SPAG16: variants seen among roughly 807,000 people sequenced by gnomAD.
SPAG16 encodes sperm associated antigen 16, also known as sperm-associated antigen 16 protein.
SPAG16 carries 86 observed loss-of-function variants against 80.4 expected under a neutral mutation model. The observed-to-expected ratio is 1.07, with a 90% CI of 0.90 to 1.28. The LOEUF (loss-of-function observed/expected upper bound fraction) is 1.28. Among genes scored for constraint, SPAG16 ranks in the 50% most tolerant of loss-of-function variants. SPAG16 has a pLI of 0.00. For synonymous variants in SPAG16, 294 were observed against 265.9 expected, an observed-to-expected ratio of 1.11 and a Z score of -1.03; for missense variants, 870 against 765.3, an observed-to-expected ratio of 1.14 and a Z score of -1.61.
At chr2:214,062,038 GAAGA>G (rs563718289) in intron 13 of SPAG16, among the ~76,000 whole-genome samples, 128 of 148,536 alleles carry the variant, frequency 8.6e-4, no homozygotes, top group African/African-American at 3.1e-3. Context: ...GTAGTATTCA[GAAGA>G]AAGACTGCTA....
At chr2:213,492,681 AGTT>A (rs2074313612) in intron 10 of SPAG16, among the ~76,000 whole-genome samples, 1 of 136,798 alleles carries the variant, frequency 7.3e-6, no homozygotes, top group Admixed American at 7.4e-5. Flanking sequence ...GAAAAAAGAA[AGTT>A]GTTTTTTTTT....
At chr2:213,770,297 G>A (rs572783325) in intron 10 of SPAG16, among the ~76,000 whole-genome samples, 12 of 151,980 alleles carry the variant, frequency 7.9e-5, no homozygotes, top group African/African-American at 2.9e-4. Context: ...TAAATACCTA[G>A]AAGTGGAATT....
At chr2:213,595,637 A>G (rs2060860825) in intron 10 of SPAG16, among the ~76,000 whole-genome samples, 1 of 152,136 alleles carries the variant, frequency 6.6e-6, no homozygotes, top group Non-Finnish European at 1.5e-5. Flanking sequence ...AAAACCCTAG[A>G]CTAGAAATAT....
chr2:213,730,535 G>A (rs1055216196), intron 10 of SPAG16, among the ~76,000 whole-genome samples: 1 of 152,000 alleles, frequency 6.6e-6, no homozygotes, highest in Non-Finnish European at 1.5e-5. Flanking sequence ...TGTTTATATG[G>A]TTTCTGACTA....
chr2:213,780,571 C>CTTTTTT lies in SPAG16; in HGVS notation c.1071-81901_1071-81896dup, dbSNP rs367744311. 7.9e-4 allele frequency among the ~76,000 whole-genome samples: 98 copies of CTTTTTT among 124,408 alleles called. 1 individual carries two copies. Among genetic ancestry groups the CTTTTTT allele is most frequent in the East Asian group, 1.2e-3 (5 of 4,274 alleles). 81.6% of individuals were successfully genotyped at this position (124,408 alleles called of 152,430 possible). A position where few individuals can be genotyped will look rare whatever the true frequency, so the allele number is the denominator to read the frequency against. ...AGGTCCAAACATTTTTCTTTTCTTT[C>CTTTTTT]TTTTTTTTTTTTTTTTTTGGTGGTG... is the stretch of plus-strand genomic sequence containing the variant. On this transcript the variant is annotated intron_variant, in intron 10 of 15. Coordinates refer to ENST00000331683, the MANE Select transcript of SPAG16 (RefSeq NM_024532.5).
At chr2:214,100,075 T>A (rs1002661933) in intron 13 of SPAG16, among the ~76,000 whole-genome samples, 3 of 151,940 alleles carry the variant, frequency 2.0e-5, no homozygotes, top group African/African-American at 7.2e-5. Flanking sequence ...GTGTCCCCCA[T>A]GCTGTTCTCA....
chr2:214,084,971 T>C (rs1009436821), intron 13 of SPAG16, among the ~76,000 whole-genome samples: 2 of 152,166 alleles, frequency 1.3e-5, no homozygotes. Flanking sequence ...ACTGAAAGAC[T>C]GTTAGAAGAC....
At chr2:214,179,956 C>G (rs1453594584) in intron 15 of SPAG16, among the ~76,000 whole-genome samples, 1 of 151,444 alleles carries the variant, frequency 6.6e-6, no homozygotes, top group African/African-American at 2.4e-5. Context: ...CTAAGCCATT[C>G]TGGGTTAGCA....
At chr2:214,248,287 A>ATATTATTAT (rs71975870) in intron 15 of SPAG16, among the ~76,000 whole-genome samples, 58 of 138,548 alleles carry the variant, frequency 4.2e-4, no homozygotes, top group African/African-American at 7.7e-4. Flanking sequence ...TACTATTCTT[A>ATATTATTAT]TATTATTATT....
At chr2:214,081,848 T>TC (rs397712651) in intron 13 of SPAG16, among the ~76,000 whole-genome samples, 2 of 151,802 alleles carry the variant, frequency 1.3e-5, no homozygotes, top group African/African-American at 4.8e-5. Flanking sequence ...TTTTTTTTTT[T>TC]CATCCTTAGG....
rs115626363 is a variant in SPAG16 at position 214,227,948 on chromosome 2, A to G, written c.1720+78682A>G. 5.0e-3 allele frequency among the ~76,000 whole-genome samples: 759 copies of G among 152,018 alleles called. 5 individuals carry two copies. Among genetic ancestry groups the G allele is most frequent in the African/African-American group, 0.017 (718 of 41,526 alleles). On this transcript the variant is annotated intron_variant, in intron 15 of 15. Coordinates refer to ENST00000331683, the MANE Select transcript of SPAG16 (RefSeq NM_024532.5). ...TTCTGTACTGTGACTATTTGTAAAT[A>G]TAAAAGCAGCTCCCTGAGACAGATG...
chr2:213,379,444 A>G (rs2125231419), intron 9 of SPAG16, among the ~76,000 whole-genome samples: 1 of 152,340 alleles, frequency 6.6e-6, no homozygotes, highest in East Asian at 1.9e-4. Flanking sequence ...AGACCAGTAG[A>G]TTCCAGGAGC....
At chr2:213,398,352 T>C (rs1297114881) in intron 9 of SPAG16, among the ~76,000 whole-genome samples, 3 of 152,172 alleles carry the variant, frequency 2.0e-5, no homozygotes, top group Non-Finnish European at 2.9e-5. Context: ...CCCATCTTAC[T>C]GAGTTACAGG....
intron 15 of SPAG16, among the ~76,000 whole-genome samples, chr2:214,201,716 T>C (rs1330275680): frequency 6.6e-6 from 1 of 152,254 alleles, no homozygotes; most frequent in Non-Finnish European, 1.5e-5. Flanking sequence ...AATTCTGGAA[T>C]AGATTATATG....
At chr2:214,167,707 T>C (rs2056713243) in intron 15 of SPAG16, among the ~76,000 whole-genome samples, 1 of 151,904 alleles carries the variant, frequency 6.6e-6, no homozygotes, top group Admixed American at 6.6e-5. Context: ...AAAAGAAAAA[T>C]CATGAAATCA....
intron 9 of SPAG16, among the ~76,000 whole-genome samples, chr2:213,469,027 T>G (rs1300607923): frequency 1.3e-5 from 2 of 152,120 alleles, no homozygotes; most frequent in African/African-American, 4.8e-5. Flanking sequence ...AGGGTGGATC[T>G]GTCTTTTCCA....
At chr2:213,710,936 T>C (rs984987289) in intron 10 of SPAG16, among the ~76,000 whole-genome samples, 2 of 152,182 alleles carry the variant, frequency 1.3e-5, no homozygotes, top group Non-Finnish European at 2.9e-5. Context: ...GTAAACAGCA[T>C]CTTTTTAGCA....
chr2:213,928,397 G>T (rs541506791), intron 11 of SPAG16, among the ~76,000 whole-genome samples: 29 of 151,884 alleles, frequency 1.9e-4, no homozygotes, highest in Non-Finnish European at 1.0e-4. Flanking sequence ...TGGCCCCTTG[G>T]ATATTCTTTT....
At chr2:214,156,507 T>C (rs2056220296) in intron 15 of SPAG16, among the ~76,000 whole-genome samples, 1 of 152,160 alleles carries the variant, frequency 6.6e-6, no homozygotes, top group African/African-American at 2.4e-5. Context: ...GGGCCAGGCA[T>C]GGTGGCTCAC....
Sources: gnomAD v4.1 joint callset for allele counts (sites outside exome capture counted in the v4.1 genomes callset) on GRCh38, gnomAD v4.1.1 for gene constraint, MANE v1.5 for transcripts, NCBI Gene and HGNC (gene_info 2026-07-23, HGNC 2026-07-21) for gene names.